The following PPP1R13B variants were observed in gnomAD, a reference collection of about 807,000 sequenced individuals.
The protein encoded by PPP1R13B is protein phosphatase 1 regulatory subunit 13B, also known as apoptosis-stimulating of p53 protein 1.
A neutral mutation model predicts 119.8 loss-of-function variants in PPP1R13B; 44 were observed. That is an observed-to-expected ratio of 0.37 (90% confidence interval 0.29 to 0.47). The LOEUF (loss-of-function observed/expected upper bound fraction) is 0.47. Among genes scored for constraint, PPP1R13B ranks in the 20% least tolerant of loss-of-function variants. The pLI, the probability that PPP1R13B is intolerant of heterozygous loss-of-function variation, is 0.99. For missense variants in PPP1R13B, 1,227 were observed against 1,413.5 expected (o/e 0.87, Z 2.12); for synonymous variants, 542 against 561.5 (o/e 0.97, Z 0.49).
At chr14:103,765,621 A>G (rs545459261) in intron 4 of PPP1R13B, among the ~76,000 whole-genome samples, 2 of 152,270 alleles carry the variant, frequency 1.3e-5, no homozygotes, top group South Asian at 4.1e-4. Flanking sequence ...ACTCCGTTCT[A>G]GAACCAACAC....
At chr14:103,748,641 G>A (rs2084459750) in intron 8 of PPP1R13B, among the ~76,000 whole-genome samples, 1 of 152,240 alleles carries the variant, frequency 6.6e-6, no homozygotes. Flanking sequence ...ATCACTGAGT[G>A]CCACAGGTGC....
At chr14:103,842,226 C>T (rs1356393394) in intron 1 of PPP1R13B, among the ~76,000 whole-genome samples, 1 of 151,796 alleles carries the variant, frequency 6.6e-6, no homozygotes, top group African/African-American at 2.4e-5. Context: ...AGAATCATAG[C>T]CACACTTCAC....
rs879888200 is a variant in PPP1R13B, at chr14:103,778,386, C to T, written c.354+359G>A. Among the ~76,000 whole-genome samples the T allele has an allele frequency of 6.6e-5, 10 of 150,450 alleles. No homozygotes were observed. The East Asian group carries it at 1.6e-3, about 24-fold the overall frequency. On this transcript the variant is annotated intron_variant, in intron 4 of 16. Coordinates refer to ENST00000202556, the MANE Select transcript of PPP1R13B (RefSeq NM_015316.3). ...CAGCAATTCTCCTGCCTCAGCCTCC[C>T]GAGTAGCTGGGACTACAGGCGCATG...
At chr14:103,772,031 C>A (rs2085083108) in intron 4 of PPP1R13B, among the ~76,000 whole-genome samples, 1 of 152,176 alleles carries the variant, frequency 6.6e-6, no homozygotes, top group African/African-American at 2.4e-5. Flanking sequence ...CAAACACTGA[C>A]CTTCCCTGTT....
chr14:103,809,630 G>A (rs2086098893), intron 1 of PPP1R13B, among the ~76,000 whole-genome samples: 1 of 151,862 alleles, frequency 6.6e-6, no homozygotes, highest in African/African-American at 2.4e-5. Context: ...AGATCAGCCT[G>A]GGCAACATGG....
chr14:103,836,545 C>A (rs900251325), intron 1 of PPP1R13B, among the ~76,000 whole-genome samples: 1 of 151,558 alleles, frequency 6.6e-6, no homozygotes, highest in Non-Finnish European at 1.5e-5. Context: ...GAGAGGCAGG[C>A]GGATCATGAG....
intron 4 of PPP1R13B, among the ~76,000 whole-genome samples, chr14:103,760,414 T>C (rs2084776630): frequency 6.6e-6 from 1 of 152,214 alleles, no homozygotes; most frequent in African/African-American, 2.4e-5. Context: ...CCTCAGGCAA[T>C]TCAAGGTCCC....
intron 7 of PPP1R13B, among the ~76,000 whole-genome samples, chr14:103,750,724 G>C (rs1224070533): frequency 6.6e-6 from 1 of 151,888 alleles, no homozygotes; most frequent in Admixed American, 6.6e-5. Flanking sequence ...CCAGCTACTC[G>C]GGAGGCTGAG....
Position 103,824,361 on chromosome 14 carries a change from G to A in PPP1R13B, c.9+22938C>T, listed in dbSNP as rs114452970. Among the ~76,000 whole-genome samples, 881 of 148,834 alleles carry A rather than the reference G, an allele frequency of 5.9e-3. 11 individuals carry two copies. The highest frequency in any genetic ancestry group is 0.02 in the African/African-American group (829 of 40,692). ...ATCCAGCCCTCATTCTCTTTTTTAA[G>A]GCTATTTCTCTATATGATCACATCA... is the stretch of plus-strand genomic sequence containing the variant. On this transcript the variant is annotated intron_variant, in intron 1 of 16. Transcript: ENST00000202556.
At chr14:103,759,678 T>G (rs1229628645) in intron 4 of PPP1R13B, among the ~76,000 whole-genome samples, 1 of 151,836 alleles carries the variant, frequency 6.6e-6, no homozygotes, top group Non-Finnish European at 1.5e-5. Context: ...TTTTATAATT[T>G]CACAACTTGA....
Position 103,753,159 on chromosome 14 carries a change from T to C in PPP1R13B, c.669A>G (p.Glu223=), listed in dbSNP as rs1378033243. Residue 223 remains glutamate, a synonymous_variant, in exon 7 of 17, where the codon GAA becomes GAG. Coordinates refer to ENST00000202556, the MANE Select transcript of PPP1R13B (RefSeq NM_015316.3). ...TTGCAGTCTGTACTTCCTGCTTCTT[T>C]TCCTGGAACATGGCACTGAACCTTT... ...EIERFSAMFQ[E]KKQEVQTAIL... 6.2e-7 allele frequency: 1 copy of C among 1,613,188 alleles called. No individual in the cohort carries two copies. The highest frequency in any genetic ancestry group is 1.7e-5 in the Admixed American group (1 of 60,026).
rs1041160557 is a variant in PPP1R13B, at chr14:103,735,891, G to T, written c.3231+112C>A. The T allele has an allele frequency of 2.7e-5, 33 of 1,213,546 alleles. No individual in the cohort carries two copies. The African/African-American group carries it at 4.8e-4, about 18-fold the overall frequency. 75.2% of individuals were successfully genotyped at this position (1,213,546 alleles called of 1,614,324 possible). On this transcript the variant is annotated intron_variant, in intron 16 of 16. Coordinates refer to ENST00000202556, the MANE Select transcript of PPP1R13B (RefSeq NM_015316.3). ...CACCTCCCCCTCTACAGAGGGGGCT[G>T]CTGAGGCTCAGAGAAGCGAAGCCTC...
At chr14:103,778,551 A>C in intron 4 of PPP1R13B, 194 bp downstream of exon 4, 1 of 559,876 alleles carries the variant, frequency 1.8e-6, no homozygotes, top group Non-Finnish European at 3.2e-6. Context: ...TGAGCCACAC[A>C]CCTGGCCTCA....
At chr14:103,833,515 C>T (rs2086705755) in intron 1 of PPP1R13B, among the ~76,000 whole-genome samples, 1 of 152,032 alleles carries the variant, frequency 6.6e-6, no homozygotes, top group Non-Finnish European at 1.5e-5. Flanking sequence ...TTGTTGTGCA[C>T]ACCTGTAATG....
chr14:103,736,368 C>T (rs888708049), intron 15 of PPP1R13B, 166 bp from the exon 16 acceptor site: 3 of 671,704 alleles, frequency 4.5e-6, no homozygotes, highest in South Asian at 1.9e-5. Flanking sequence ...GGCCCCCACC[C>T]GATACCTCCC....
At chr14:103,756,925 A>AT (rs34134431) in intron 5 of PPP1R13B, among the ~76,000 whole-genome samples, 3 of 151,088 alleles carry the variant, frequency 2.0e-5, no homozygotes, top group African/African-American at 7.3e-5. Flanking sequence ...AGCCTGGGTA[A>AT]TTTTTTTTAA....
intron 4 of PPP1R13B, among the ~76,000 whole-genome samples, chr14:103,766,576 A>G (rs2084943624): frequency 6.6e-6 from 1 of 152,212 alleles, no homozygotes; most frequent in South Asian, 2.1e-4. Flanking sequence ...CCATGAAGAC[A>G]TCTTAATAAT....
At position 103,744,262 on chromosome 14, in the gene PPP1R13B, A is replaced by G. The variant is rs181476507; in HGVS notation, c.1151-1439T>C. 3.9e-5 allele frequency among the ~76,000 whole-genome samples: 6 copies of G among 152,384 alleles called. No individual in the cohort carries two copies. The East Asian group carries it at 1.2e-3, about 29-fold the overall frequency. On this transcript the variant is annotated intron_variant, in intron 9 of 16. Transcript: ENST00000202556. ...AGGTACAGAAGGAAAATCATTTTAT[A>G]GAGGAACAATTATCTTTTAGTATGA...
chr14:103,756,709 T>A (rs182710006), intron 5 of PPP1R13B, among the ~76,000 whole-genome samples: 2 of 152,074 alleles, frequency 1.3e-5, no homozygotes, highest in African/African-American at 4.8e-5. Flanking sequence ...GCCAAGAACA[T>A]ACCCAGAGGC....
Sources: gnomAD v4.1 joint callset for allele counts (sites outside exome capture counted in the v4.1 genomes callset) on GRCh38, gnomAD v4.1.1 for gene constraint, MANE v1.5 for transcripts, NCBI Gene and HGNC (gene_info 2026-07-23, HGNC 2026-07-21) for gene names.